Variants in CDH13 observed in about 807,000 individuals in gnomAD.
CDH13 encodes cadherin 13.
CDH13 carries 24 observed loss-of-function variants against 63.8 expected under a neutral mutation model. The observed-to-expected ratio is 0.38, with a 90% CI of 0.27 to 0.53. The LOEUF (loss-of-function observed/expected upper bound fraction) is 0.53, where lower values mean the gene tolerates loss of function less well. Ranked by LOEUF, CDH13 falls within the 20% of genes least tolerant of loss-of-function variation. The probability of loss-of-function intolerance (pLI) is 0.85; values close to 1 mark genes in which losing one functional copy is unlikely to be tolerated. For synonymous variants in CDH13, 503 were observed against 355.3 expected (o/e 1.42, Z -4.67); for missense variants, 1,049 against 903.1 (o/e 1.16, Z -2.07).
At position 83,379,855 on chromosome 16, in the gene CDH13, C is replaced by G. The variant is rs58670183; in HGVS notation, c.781+34849C>G. Among the ~76,000 whole-genome samples, 1,253 of 147,046 alleles carry G rather than the reference C, an allele frequency of 8.5e-3. 15 individuals carry two copies. Among genetic ancestry groups the G allele is most frequent in the East Asian group, 0.053 (267 of 5,052 alleles). ...ACGAAATATTATATAAATATATAAC[C>G]CAATAATTTCTATAAAGATTATATG... On this transcript the variant is annotated intron_variant, in intron 6 of 13. Transcript: ENST00000567109.
Position 82,875,315 on chromosome 16 carries a change from TG to T in CDH13, c.157+16843del, listed in dbSNP as rs766510346. On this transcript the variant is annotated intron_variant, in intron 2 of 13. Coordinates refer to ENST00000567109, the MANE Select transcript of CDH13 (RefSeq NM_001257.5). ...TTGGATTATCTGTTGAAAAGCGTTT[TG>T]TTGGCTATAATTACAATATGATGAC... Among the ~76,000 whole-genome samples, 12 of 152,322 alleles carry T rather than the reference TG, an allele frequency of 7.9e-5. No individual in the cohort carries two copies. In the South Asian group the frequency reaches 1.5e-3, roughly 18 times the overall value.
chr16:83,444,422 C>T (rs1453386253), intron 6 of CDH13, among the ~76,000 whole-genome samples: 1 of 152,140 alleles, frequency 6.6e-6, no homozygotes, highest in Non-Finnish European at 1.5e-5. Context: ...GGAACTTGCT[C>T]AAGGACAATA....
At chr16:82,633,378 G>C (rs1010694537) in intron 1 of CDH13, among the ~76,000 whole-genome samples, 10 of 152,322 alleles carry the variant, frequency 6.6e-5, no homozygotes, top group East Asian at 3.9e-4. Flanking sequence ...CTGCAGCTCT[G>C]TCACCTACTT....
At chr16:82,873,356 A>C (rs2040405494) in intron 2 of CDH13, among the ~76,000 whole-genome samples, 1 of 152,232 alleles carries the variant, frequency 6.6e-6, no homozygotes, top group Admixed American at 6.5e-5. Context: ...CTCACTAAAA[A>C]GTGTCAGTGG....
intron 6 of CDH13, among the ~76,000 whole-genome samples, chr16:83,463,219 T>G (rs2073224405): frequency 6.6e-6 from 1 of 152,132 alleles, no homozygotes; most frequent in Non-Finnish European, 1.5e-5. Flanking sequence ...GGCCCAGGCG[T>G]CAGATAGCAC....
chr16:82,937,561 A>G (rs2042710439), intron 2 of CDH13, among the ~76,000 whole-genome samples: 1 of 152,228 alleles, frequency 6.6e-6, no homozygotes, highest in Non-Finnish European at 1.5e-5. Flanking sequence ...CACATAGCAG[A>G]CACACAAAAT....
intron 13 of CDH13, among the ~76,000 whole-genome samples, chr16:83,783,724 T>G (rs1194985718): frequency 6.6e-6 from 1 of 152,206 alleles, no homozygotes; most frequent in Non-Finnish European, 1.5e-5. Context: ...GCCTGCAAAC[T>G]AGGTGGTAAG....
intron 6 of CDH13, among the ~76,000 whole-genome samples, chr16:83,392,321 C>A (rs920650842): frequency 6.6e-6 from 1 of 152,156 alleles, no homozygotes; most frequent in Non-Finnish European, 1.5e-5. Context: ...GCCTCACGAG[C>A]TGTAAGTACT....
At chr16:83,724,629 C>T (rs1910160152) in intron 10 of CDH13, among the ~76,000 whole-genome samples, 1 of 152,148 alleles carries the variant, frequency 6.6e-6, no homozygotes, top group African/African-American at 2.4e-5. Context: ...TACTTGAAGC[C>T]CCCTGTGACT....
At chr16:83,790,603 C>A (rs556382523) in intron 13 of CDH13, among the ~76,000 whole-genome samples, 2 of 152,052 alleles carry the variant, frequency 1.3e-5, no homozygotes, top group African/African-American at 4.8e-5. Context: ...TGGGGTTTCA[C>A]CGTGTTAGCC....
At chr16:82,662,012 G>A (rs761560859) in intron 1 of CDH13, among the ~76,000 whole-genome samples, 7 of 152,162 alleles carry the variant, frequency 4.6e-5, no homozygotes, top group Non-Finnish European at 1.0e-4. Context: ...TGTCACAGGC[G>A]GCTAGTGGTT....
chr16:83,542,515 G>A (rs752059404), intron 7 of CDH13, among the ~76,000 whole-genome samples: 16 of 152,180 alleles, frequency 1.1e-4, no homozygotes, highest in South Asian at 2.1e-4. Flanking sequence ...AACGGCTGTG[G>A]TAACAAAGCA....
intron 5 of CDH13, among the ~76,000 whole-genome samples, chr16:83,285,488 C>T (rs975790420): frequency 5.9e-5 from 9 of 151,462 alleles, no homozygotes; most frequent in Non-Finnish European, 1.3e-4. Flanking sequence ...CAGGTTCCAA[C>T]CAGTGATGGA....
At chr16:83,042,455 C>G (rs1424609183) in intron 3 of CDH13, among the ~76,000 whole-genome samples, 1 of 152,132 alleles carries the variant, frequency 6.6e-6, no homozygotes, top group Non-Finnish European at 1.5e-5. Context: ...CGAGACAGGA[C>G]CATGTAGTCG....
intron 2 of CDH13, among the ~76,000 whole-genome samples, chr16:82,930,869 T>A (rs1014969421): frequency 2.0e-5 from 3 of 152,192 alleles, no homozygotes; most frequent in Non-Finnish European, 2.9e-5. Flanking sequence ...CATAAATCAC[T>A]CCTCTTCCCA....
intron 1 of CDH13, among the ~76,000 whole-genome samples, chr16:82,826,883 C>A (rs946062394): frequency 4.6e-5 from 7 of 152,170 alleles, no homozygotes; most frequent in African/African-American, 1.7e-4. Context: ...CAAGTTACAG[C>A]AGCTAGAGAA....
At chr16:83,663,393 A>G (rs1913624970) in intron 8 of CDH13, among the ~76,000 whole-genome samples, 1 of 152,230 alleles carries the variant, frequency 6.6e-6, no homozygotes, top group Non-Finnish European at 1.5e-5. Flanking sequence ...TTTAGAAATT[A>G]TATAATCTCT....
At chr16:83,043,042 A>G (rs943934775) in intron 3 of CDH13, among the ~76,000 whole-genome samples, 13 of 152,220 alleles carry the variant, frequency 8.5e-5, no homozygotes, top group South Asian at 2.1e-4. Context: ...GAGAAAATAT[A>G]TAGCTTGAAA....
At chr16:83,552,853 G>A (rs567243062) in intron 7 of CDH13, among the ~76,000 whole-genome samples, 59 of 152,248 alleles carry the variant, frequency 3.9e-4, no homozygotes, top group African/African-American at 1.1e-3. Flanking sequence ...GGCCAAGGTC[G>A]GCAGATCACA....
Sources: gnomAD v4.1 joint callset for allele counts (sites outside exome capture counted in the v4.1 genomes callset) on GRCh38, gnomAD v4.1.1 for gene constraint, MANE v1.5 for transcripts, NCBI Gene and HGNC (gene_info 2026-07-23, HGNC 2026-07-21) for gene names.